Variants in SLC25A36 observed in about 807,000 individuals in gnomAD.
SLC25A36 encodes the protein epididymis secretory sperm binding protein.
A neutral mutation model predicts 35.3 loss-of-function variants in SLC25A36; 24 were observed. The ratio of observed to expected loss-of-function variants is 0.68; its 90% CI spans 0.49 to 0.96. The LOEUF (loss-of-function observed/expected upper bound fraction) is 0.96. Ranked by LOEUF, SLC25A36 falls within the 40% of genes least tolerant of loss-of-function variation. The pLI is 0.00. For missense variants in SLC25A36, 294 were observed against 381.1 expected (o/e 0.77, Z 1.90); for synonymous variants, 141 against 132.2 (o/e 1.07, Z -0.46).
chr3:140,959,222 G>A (rs765733358), intron 2 of SLC25A36, among the ~76,000 whole-genome samples: 4 of 151,660 alleles, frequency 2.6e-5, no homozygotes, highest in African/African-American at 9.7e-5. Context: ...TACCAGGTTG[G>A]CCAGGCTGGT....
At position 140,977,270 on chromosome 3, in the gene SLC25A36, TTAAG is replaced by T. The variant is rs780236694; in HGVS notation, c.*820_*823del. On this transcript the variant is annotated 3_prime_UTR_variant, in exon 7 of 7. Coordinates refer to ENST00000324194, the MANE Select transcript of SLC25A36 (RefSeq NM_001104647.3). ...TTGAATTATCACCTCTTTGTCATAC[TTAAG>T]TATCATTTACATAAAGTGTAAAAGA... 3 of 152,338 alleles carry T rather than the reference TTAAG, an allele frequency of 2.0e-5. No individual in the cohort carries two copies. Among genetic ancestry groups the T allele is most frequent in the African/African-American group, 4.8e-5 (2 of 41,586 alleles). The allele number at this position is 152,338 out of a possible 1,614,324, so 9.4% of individuals were successfully genotyped here.
chr3:140,959,889 TG>T (rs1934584607), intron 3 of SLC25A36, among the ~76,000 whole-genome samples: 2 of 152,172 alleles, frequency 1.3e-5, no homozygotes, highest in Non-Finnish European at 2.9e-5. Flanking sequence ...AGTCTTATAC[TG>T]GGGGAAAATA....
chr3:140,942,170 G>T, intron 1 of SLC25A36, 75 bp downstream of exon 1: 1 of 178,714 alleles, frequency 5.6e-6, no homozygotes, highest in Non-Finnish European at 1.1e-5. Flanking sequence ...GGGGCGAGGG[G>T]GGCCGAGGGG....
At chr3:140,947,436 G>T (rs1934197249) in intron 1 of SLC25A36, among the ~76,000 whole-genome samples, 1 of 152,002 alleles carries the variant, frequency 6.6e-6, no homozygotes, top group Non-Finnish European at 1.5e-5. Flanking sequence ...GCACTTTGAA[G>T]CTCCCAACAA....
At chr3:140,964,602 G>A (rs1011499540) in intron 4 of SLC25A36, 3 of 151,788 alleles carry the variant, frequency 2.0e-5, no homozygotes, top group Non-Finnish European at 3.0e-5. Context: ...GTAAAGGTTG[G>A]TGGCCAGTGA....
intron 1 of SLC25A36, among the ~76,000 whole-genome samples, chr3:140,955,248 T>C (rs1031362006): frequency 6.6e-6 from 1 of 152,122 alleles, no homozygotes; most frequent in African/African-American, 2.4e-5. Context: ...CCTTTATATA[T>C]ATGTGTGTGT....
At chr3:140,957,217 C>T (rs1402305505) in intron 2 of SLC25A36, 1 of 152,138 alleles carries the variant, frequency 6.6e-6, no homozygotes, top group Non-Finnish European at 1.5e-5. Flanking sequence ...TTTGAAATTT[C>T]AAAACTATTA....
At chr3:140,970,777 T>G in intron 4 of SLC25A36, 150 bp from the exon 5 acceptor site, 1 of 464,162 alleles carries the variant, frequency 2.2e-6, no homozygotes, top group East Asian at 3.5e-5. Flanking sequence ...GACAAATGTT[T>G]GTCGTATGTG....
chr3:140,944,994 C>G (rs1282603648), intron 1 of SLC25A36, among the ~76,000 whole-genome samples: 1 of 152,192 alleles, frequency 6.6e-6, no homozygotes, highest in Non-Finnish European at 1.5e-5. Flanking sequence ...TTTACTACCT[C>G]TCCTTTTCCT....
chr3:140,951,414 C>T (rs776188108), intron 1 of SLC25A36, among the ~76,000 whole-genome samples: 8 of 152,152 alleles, frequency 5.3e-5, no homozygotes, highest in Non-Finnish European at 8.8e-5. Context: ...TAATGTAAAA[C>T]TGCTTCAGGA....
At chr3:140,951,064 C>A (rs929914135) in intron 1 of SLC25A36, among the ~76,000 whole-genome samples, 1 of 152,104 alleles carries the variant, frequency 6.6e-6, no homozygotes, top group Non-Finnish European at 1.5e-5. Context: ...CATTAGGCCT[C>A]CTAGGGATTC....
intron 6 of SLC25A36, among the ~76,000 whole-genome samples, chr3:140,974,770 A>T (rs896071103): frequency 6.6e-6 from 1 of 152,126 alleles, no homozygotes; most frequent in African/African-American, 2.4e-5. Flanking sequence ...ATTAATATTT[A>T]CCGTCTCCAT....
At chr3:140,961,256 A>G (rs1174130955) in intron 3 of SLC25A36, among the ~76,000 whole-genome samples, 1 of 152,214 alleles carries the variant, frequency 6.6e-6, no homozygotes, top group Non-Finnish European at 1.5e-5. Context: ...GTTATCATAT[A>G]CATAAAAACA....
chr3:140,958,904 A>G (rs1934550399), intron 2 of SLC25A36, among the ~76,000 whole-genome samples: 1 of 151,462 alleles, frequency 6.6e-6, no homozygotes, highest in South Asian at 2.1e-4. Flanking sequence ...AATCATTACT[A>G]GTAAATCTAT....
chr3:140,970,877 T>C, intron 4 of SLC25A36, 50 bp from the exon 5 acceptor site: 1 of 809,520 alleles, frequency 1.2e-6, no homozygotes, highest in Non-Finnish European at 2.2e-6. Flanking sequence ...TTAAAGTTAA[T>C]AGTGAATTCT....
chr3:140,963,154 C>G lies in SLC25A36; in HGVS notation c.312C>G (p.Asn104Lys). The change falls in exon 4 of 7, where the codon AAC becomes AAG. Residue 104 changes from asparagine (N) to lysine (K), a missense_variant. Asn to Lys is a moderately conservative substitution (Grantham distance 94). This residue lies in a region of SLC25A36 where 185 missense variants were observed against 201.5 expected (regional missense o/e 0.92). Coordinates refer to ENST00000324194, the MANE Select transcript of SLC25A36 (RefSeq NM_001104647.3). ...SRAIYFAAYS[N>K]CKEKLNDVFD... ...CAATATACTTTGCTGCTTATTCAAA[C>G]TGCAAGGAAAAGTTGAATGATGTAT... is the stretch of plus-strand genomic sequence containing the variant. 2.5e-6 allele frequency: 4 copies of G among 1,588,612 alleles called. No individual in the cohort carries two copies. Among genetic ancestry groups the G allele is most frequent in the Non-Finnish European group, 3.4e-6 (4 of 1,173,462 alleles).
Position 140,977,454 on chromosome 3 carries a change from G to A in SLC25A36, c.*1001G>A, listed in dbSNP as rs912199881. ...TTTTAAGGTGACAATATTTGGGACA[G>A]TATAAATATTATAGACAAGGGCCCC... On this transcript the variant is annotated 3_prime_UTR_variant, in exon 7 of 7. Transcript: ENST00000324194. 1 of 150,578 alleles carries A rather than the reference G, an allele frequency of 6.6e-6. No homozygotes were observed. The highest frequency in any genetic ancestry group is 2.5e-5 in the African/African-American group (1 of 40,684). 9.3% of individuals were successfully genotyped at this position (150,578 alleles called of 1,614,324 possible). A position where few individuals can be genotyped will look rare whatever the true frequency, so the allele number is the denominator to read the frequency against.
intron 1 of SLC25A36, among the ~76,000 whole-genome samples, chr3:140,953,023 T>A (rs1045686780): frequency 1.3e-5 from 2 of 152,156 alleles, no homozygotes; most frequent in African/African-American, 4.8e-5. Flanking sequence ...AAAGACAAAT[T>A]GAATTATGGT....
chr3:140,950,115 T>C (rs1934279455), intron 1 of SLC25A36, among the ~76,000 whole-genome samples: 1 of 152,212 alleles, frequency 6.6e-6, no homozygotes. Context: ...TATAATTTGA[T>C]AACAGTTTTT....
Sources: gnomAD v4.1 joint callset for allele counts (sites outside exome capture counted in the v4.1 genomes callset) on GRCh38, gnomAD v4.1.1 for gene constraint, gnomAD v4.1.1 regional missense constraint, MANE v1.5 for transcripts, NCBI Gene and HGNC (gene_info 2026-07-23, HGNC 2026-07-21) for gene names.